GRM1: variants seen among roughly 807,000 people sequenced by gnomAD.
GRM1 encodes the protein metabotropic glutamate receptor 1.
In GRM1, 33 loss-of-function variants were observed where a neutral mutation model predicts 90.9. The observed-to-expected ratio is 0.36, with a 90% CI of 0.28 to 0.49. The LOEUF (loss-of-function observed/expected upper bound fraction) is 0.49. Ranked by LOEUF, GRM1 falls within the 20% of genes least tolerant of loss-of-function variation. The pLI is 0.99. For synonymous variants in GRM1, 700 were observed against 613.2 expected (o/e 1.14, Z -2.09); for missense variants, 1,190 against 1,534.3 (o/e 0.78, Z 3.75).
At chr6:146,067,685 G>T (rs1775891616) in intron 1 of GRM1, among the ~76,000 whole-genome samples, 1 of 152,022 alleles carries the variant, frequency 6.6e-6, no homozygotes, top group African/African-American at 2.4e-5. Flanking sequence ...TAAGGACTGG[G>T]TTTAGATTTT....
At chr6:146,079,376 G>A (rs1413321657) in intron 1 of GRM1, among the ~76,000 whole-genome samples, 1 of 152,160 alleles carries the variant, frequency 6.6e-6, no homozygotes, top group Non-Finnish European at 1.5e-5. Flanking sequence ...TCCATTGAGT[G>A]CAAGAGAGGA....
intron 5 of GRM1, among the ~76,000 whole-genome samples, chr6:146,367,506 G>A (rs1396246718): frequency 6.6e-6 from 1 of 152,090 alleles, no homozygotes; most frequent in Non-Finnish European, 1.5e-5. Flanking sequence ...GAGGTTTGGT[G>A]TAGGGATGAT....
At chr6:146,345,286 C>A (rs1004317946) in intron 3 of GRM1, among the ~76,000 whole-genome samples, 1 of 152,114 alleles carries the variant, frequency 6.6e-6, no homozygotes, top group African/African-American at 2.4e-5. Context: ...TTTAATATGT[C>A]CTAAAATAGA....
At chr6:146,397,762 G>A (rs186692569) in intron 6 of GRM1, among the ~76,000 whole-genome samples, 1 of 152,272 alleles carries the variant, frequency 6.6e-6, no homozygotes, top group Non-Finnish European at 1.5e-5. Flanking sequence ...TCAGAAGTAA[G>A]GGCTGACAGT....
chr6:146,058,957 C>T (rs569858767), intron 1 of GRM1, among the ~76,000 whole-genome samples: 6 of 152,224 alleles, frequency 3.9e-5, no homozygotes, highest in South Asian at 2.1e-4. Context: ...CCAACACATC[C>T]GCAGTGACTT....
intron 3 of GRM1, among the ~76,000 whole-genome samples, chr6:146,309,064 TATTTCTAGAAGTTAA>T (rs961840958): frequency 5.9e-5 from 9 of 152,122 alleles, no homozygotes; most frequent in African/African-American, 2.2e-4. Flanking sequence ...TCTTAAGTTG[TATTTCTAGAAGTTAA>T]ATTTCTAGAA....
chr6:146,358,870 C>T (rs979699682), intron 5 of GRM1, among the ~76,000 whole-genome samples: 6 of 152,168 alleles, frequency 3.9e-5, no homozygotes, highest in African/African-American at 1.2e-4. Flanking sequence ...ATGAGTCATC[C>T]TAGTTTTAGG....
chr6:146,397,484 G>GAAAAAAAAAAAAAAAAAAA (rs577471775), intron 6 of GRM1, among the ~76,000 whole-genome samples: 1 of 45,028 alleles, frequency 2.2e-5, no homozygotes, highest in African/African-American at 7.2e-5. Flanking sequence ...AAAAAAAAAA[G>GAAAAAAAAAAAAAAAAAAA]AAAAAAAAAA....
chr6:146,326,556 T>C (rs184327699), intron 3 of GRM1, among the ~76,000 whole-genome samples: 21 of 152,202 alleles, frequency 1.4e-4, no homozygotes, highest in South Asian at 6.2e-4. Context: ...AGTTTACTTA[T>C]GTAAGAAACC....
intron 2 of GRM1, among the ~76,000 whole-genome samples, chr6:146,224,937 TTTCATG>T: frequency 6.6e-6 from 1 of 152,136 alleles, no homozygotes; most frequent in East Asian, 1.9e-4. Flanking sequence ...CTTGGGGCAC[TTTCATG>T]GATTCTGTGG....
In GRM1 at chr6:146,030,030, G is replaced by A; in HGVS notation, c.513G>A (p.Val171=). ...GPGSSSVAIQ[V]QNLLQLFDIP... ...GCTCCAGCTCTGTAGCCATTCAAGT[G>A]CAGAACCTGCTCCAGCTCTTCGACA... Residue 171 remains valine, a synonymous_variant, in exon 1 of 8, where the codon GTG becomes GTA. Coordinates refer to ENST00000282753, the MANE Select transcript of GRM1 (RefSeq NM_001278064.2). 1 of 1,614,176 alleles carries A rather than the reference G, an allele frequency of 6.2e-7. No individual in the cohort carries two copies. Among genetic ancestry groups the A allele is most frequent in the Non-Finnish European group, 8.5e-7 (1 of 1,180,026 alleles).
chr6:146,263,760 A>G (rs980435161), intron 2 of GRM1, among the ~76,000 whole-genome samples: 1 of 152,106 alleles, frequency 6.6e-6, no homozygotes, highest in Non-Finnish European at 1.5e-5. Flanking sequence ...CTATTATACA[A>G]ATCTAAGTAC....
intron 1 of GRM1, among the ~76,000 whole-genome samples, chr6:146,046,832 G>T (rs1433349415): frequency 6.6e-6 from 1 of 151,978 alleles, no homozygotes; most frequent in East Asian, 1.9e-4. Context: ...CAGATGGAGG[G>T]CTAGAGAAAG....
chr6:146,028,642 G>T (rs994192729), upstream of GRM1, among the ~76,000 whole-genome samples: 21 of 152,178 alleles, frequency 1.4e-4, no homozygotes, highest in African/African-American at 5.1e-4. Flanking sequence ...ACTTTACCAG[G>T]CGTTGCCTTA....
intron 2 of GRM1, among the ~76,000 whole-genome samples, chr6:146,167,348 A>G (rs1468648584): frequency 6.6e-6 from 1 of 152,160 alleles, no homozygotes; most frequent in African/African-American, 2.4e-5. Flanking sequence ...TGCTGTGAAC[A>G]TTCTTGTACA....
At chr6:146,106,200 C>A (rs1260132247) in intron 1 of GRM1, among the ~76,000 whole-genome samples, 1 of 152,140 alleles carries the variant, frequency 6.6e-6, no homozygotes, top group African/African-American at 2.4e-5. Flanking sequence ...GATTAGAACA[C>A]CACTTGATTA....
chr6:146,102,735 C>T (rs921037679), intron 1 of GRM1, among the ~76,000 whole-genome samples: 1 of 152,122 alleles, frequency 6.6e-6, no homozygotes, highest in African/African-American at 2.4e-5. Flanking sequence ...AGTTTAGCAG[C>T]TTACATTTTG....
chr6:146,148,114 G>A (rs56042880), intron 1 of GRM1, among the ~76,000 whole-genome samples: 9,983 of 152,184 alleles, frequency 0.066, 393 homozygotes, highest in African/African-American at 0.1. Flanking sequence ...AAATTGTTAT[G>A]TGGGCATTAT....
intron 2 of GRM1, among the ~76,000 whole-genome samples, chr6:146,161,101 T>C (rs997538539): frequency 6.6e-6 from 1 of 152,204 alleles, no homozygotes; most frequent in Admixed American, 6.5e-5. Context: ...TGTCCAGACA[T>C]TCAGGCCTTT....
Sources: gnomAD v4.1 joint callset for allele counts (sites outside exome capture counted in the v4.1 genomes callset) on GRCh38, gnomAD v4.1.1 for gene constraint, MANE v1.5 for transcripts, NCBI Gene and HGNC (gene_info 2026-07-23, HGNC 2026-07-21) for gene names.